ATAD1: variants seen among roughly 807,000 people sequenced by gnomAD.
The protein encoded by ATAD1 is outer mitochondrial transmembrane helix translocase.
ATAD1 carries 18 observed loss-of-function variants against 42.7 expected under a neutral mutation model. That is an observed-to-expected ratio of 0.42 (90% CI 0.29 to 0.63). ATAD1 has a LOEUF of 0.63. Ranked by LOEUF, ATAD1 falls within the 20% of genes least tolerant of loss-of-function variation. The pLI, the probability that ATAD1 is intolerant of heterozygous loss-of-function variation, is 0.19. For missense variants in ATAD1, 294 were observed against 440.4 expected (o/e 0.67, Z 2.98); for synonymous variants, 132 against 143.1 (o/e 0.92, Z 0.55).
At chr10:87,767,059 A>C (rs1436866071) in intron 8 of ATAD1, among the ~76,000 whole-genome samples, 1 of 152,144 alleles carries the variant, frequency 6.6e-6, no homozygotes, top group Non-Finnish European at 1.5e-5. Flanking sequence ...AACGACAAAA[A>C]ACTTCTGTAG....
intron 3 of ATAD1, among the ~76,000 whole-genome samples, chr10:87,792,417 C>T (rs1042683102): frequency 1.3e-5 from 2 of 152,210 alleles, no homozygotes; most frequent in Non-Finnish European, 2.9e-5. Flanking sequence ...TGTGACTCCA[C>T]TTGGAATCTT....
At chr10:87,816,255 T>C (rs1857409809) in intron 1 of ATAD1, among the ~76,000 whole-genome samples, 3 of 152,252 alleles carry the variant, frequency 2.0e-5, no homozygotes, top group East Asian at 1.9e-4. Context: ...AACAGATAAA[T>C]TGTAACTGAA....
At position 87,810,881 on chromosome 10, in the gene ATAD1, A is replaced by G. The variant is rs73352886; in HGVS notation, c.162+3557T>C. Among the ~76,000 whole-genome samples, 1,254 of 152,268 alleles carry G rather than the reference A, an allele frequency of 8.2e-3. 11 individuals carry two copies. Among genetic ancestry groups the G allele is most frequent in the African/African-American group, 0.029 (1,191 of 41,546 alleles). Reference sequence around the variant, plus strand: ...AAACTACCTACTTTAGATTGGCCCTATGTTTTGTATACTGAGCCCCTCTGA... The same window carrying G: ...AAACTACCTACTTTAGATTGGCCCTGTGTTTTGTATACTGAGCCCCTCTGA... On this transcript the variant is annotated intron_variant, in intron 2 of 9. Coordinates refer to ENST00000680024, the MANE Select transcript of ATAD1 (RefSeq NM_001321967.2).
chr10:87,823,889 C>A (rs1465498433), intron 1 of ATAD1, among the ~76,000 whole-genome samples: 4 of 152,318 alleles, frequency 2.6e-5, no homozygotes, highest in South Asian at 4.1e-4. Context: ...CCTCCTCCCA[C>A]CCGTTTCTCT....
chr10:87,761,907 T>C (rs1854500920), intron 8 of ATAD1, among the ~76,000 whole-genome samples: 1 of 151,912 alleles, frequency 6.6e-6, no homozygotes, highest in South Asian at 2.1e-4. Flanking sequence ...CAGACCCATT[T>C]AAATTTTAAA....
chr10:87,760,490 T>C (rs1854433488), intron 8 of ATAD1, among the ~76,000 whole-genome samples: 2 of 152,190 alleles, frequency 1.3e-5, no homozygotes, highest in South Asian at 4.1e-4. Flanking sequence ...GAACGGTGAG[T>C]CAATTAAACC....
chr10:87,787,851 A>C (rs1432584683), intron 4 of ATAD1, among the ~76,000 whole-genome samples: 1 of 152,184 alleles, frequency 6.6e-6, no homozygotes, highest in Non-Finnish European at 1.5e-5. Context: ...TCTATTTTTA[A>C]AATTATTTTT....
At chr10:87,779,031 C>T (rs970409588) in intron 5 of ATAD1, among the ~76,000 whole-genome samples, 2 of 152,044 alleles carry the variant, frequency 1.3e-5, no homozygotes, top group Non-Finnish European at 2.9e-5. Flanking sequence ...ACTTAAAATT[C>T]CTGGCTGGGC....
At chr10:87,803,769 C>T (rs1856806015) in intron 2 of ATAD1, among the ~76,000 whole-genome samples, 1 of 152,216 alleles carries the variant, frequency 6.6e-6, no homozygotes, top group African/African-American at 2.4e-5. Context: ...TAACTGAGAC[C>T]TGTCTCAGAT....
intron 2 of ATAD1, among the ~76,000 whole-genome samples, chr10:87,795,670 A>G (rs1210084419): frequency 2.0e-5 from 3 of 151,942 alleles, no homozygotes; most frequent in African/African-American, 7.3e-5. Context: ...TTTTTTCTCC[A>G]TGCAAAGTAT....
chr10:87,817,951 G>C (rs1206294527), intron 1 of ATAD1: 1 of 985,502 alleles, frequency 1.0e-6, no homozygotes, highest in Non-Finnish European at 1.2e-6. Context: ...GGCCCAGGCC[G>C]GGCCGGACGC....
At chr10:87,789,127 T>C (rs1261439473) in intron 4 of ATAD1, among the ~76,000 whole-genome samples, 2 of 152,202 alleles carry the variant, frequency 1.3e-5, no homozygotes, top group African/African-American at 2.4e-5. Context: ...TTTATTGATA[T>C]AGCTGCAAAT....
At chr10:87,759,279 C>CATA (rs1854372551) in intron 8 of ATAD1, among the ~76,000 whole-genome samples, 1 of 151,972 alleles carries the variant, frequency 6.6e-6, no homozygotes, top group African/African-American at 2.4e-5. Context: ...TAAACTCTAT[C>CATA]AACTCCTGGA....
intron 5 of ATAD1, among the ~76,000 whole-genome samples, chr10:87,781,672 G>C (rs78085673): frequency 6.6e-6 from 1 of 151,822 alleles, no homozygotes; most frequent in Non-Finnish European, 1.5e-5. Flanking sequence ...ATGGGGTCTT[G>C]CTCTGTTGCC....
chr10:87,757,084 G>C (rs1186896492), intron 8 of ATAD1, among the ~76,000 whole-genome samples, 162 bp from the exon 9 acceptor site: 3 of 151,936 alleles, frequency 2.0e-5, no homozygotes, highest in Non-Finnish European at 4.4e-5. Context: ...TTAGAAATTT[G>C]AAATATAATT....
intron 5 of ATAD1, 136 bp downstream of exon 5, chr10:87,784,334 T>C: frequency 1.3e-6 from 1 of 753,130 alleles, no homozygotes; most frequent in South Asian, 1.8e-5. Context: ...ACAGAAATTA[T>C]ACATAGCATA....
intron 7 of ATAD1, among the ~76,000 whole-genome samples, chr10:87,768,511 T>C (rs1854873472): frequency 6.6e-6 from 1 of 152,208 alleles, no homozygotes; most frequent in African/African-American, 2.4e-5. Flanking sequence ...AAATACTCTG[T>C]TAAACATTTC....
At chr10:87,829,130 A>C (rs1300446517) in intron 1 of ATAD1, among the ~76,000 whole-genome samples, 1 of 152,200 alleles carries the variant, frequency 6.6e-6, no homozygotes, top group Non-Finnish European at 1.5e-5. Context: ...TTACTAGAGA[A>C]ATACATTTTA....
intron 1 of ATAD1, 40 bp from the exon 2 acceptor site, chr10:87,814,652 T>C: frequency 7.1e-7 from 1 of 1,398,822 alleles, no homozygotes; most frequent in Admixed American, 2.7e-5. Flanking sequence ...GTAATAACTA[T>C]ACTTATTAAA....
Sources: allele counts gnomAD v4.1 joint callset (sites outside exome capture counted in the v4.1 genomes callset), GRCh38; gene constraint gnomAD v4.1.1; transcripts MANE v1.5; gene names NCBI Gene and HGNC (gene_info 2026-07-23, HGNC 2026-07-21).